PTPRD: variants seen among roughly 807,000 people sequenced by gnomAD.
PTPRD encodes the protein protein tyrosine phosphatase receptor type D.
A neutral mutation model predicts 214.5 loss-of-function variants in PTPRD; 34 were observed. The observed-to-expected ratio is 0.16, with a 90% confidence interval of 0.12 to 0.21. The LOEUF is 0.21. Ranked by LOEUF, PTPRD falls within the 10% of genes least tolerant of loss-of-function variation. PTPRD has a pLI of 1.00. For synonymous variants in PTPRD, 1,128 were observed against 845.7 expected, an observed-to-expected ratio of 1.33 and a Z score of -5.79; for missense variants, 2,545 against 2,398.7, an observed-to-expected ratio of 1.06 and a Z score of -1.27.
intron 10 of PTPRD, among the ~76,000 whole-genome samples, chr9:9,162,965 C>T (rs1484405077): frequency 1.3e-5 from 2 of 152,088 alleles, no homozygotes; most frequent in Non-Finnish European, 2.9e-5. Flanking sequence ...CTTTAGGACT[C>T]TCTATTTTCT....
In PTPRD at chr9:9,980,608, C is replaced by CAAAAAAAAA. The variant is rs750547585; in HGVS notation, c.-471-42007_-471-41999dup. 1.1e-3 allele frequency among the ~76,000 whole-genome samples: 12 copies of CAAAAAAAAA among 11,420 alleles called. 3 individuals are homozygous for CAAAAAAAAA. Among genetic ancestry groups the CAAAAAAAAA allele is most frequent in the East Asian group, 2.5e-3 (2 of 788 alleles). The allele number at this position is 11,420 out of a possible 152,430, so 7.5% of individuals were successfully genotyped here. A position where few individuals can be genotyped will look rare whatever the true frequency, so the allele number is the denominator to read the frequency against. On this transcript the variant is annotated intron_variant, in intron 4 of 45. Transcript: ENST00000381196. The stretch of plus-strand genomic sequence containing the variant: ...TGGGTAACAGAGTGAGACACCTTGT[C>CAAAAAAAAA]AAAAAAAAACAAAAAAAAAAAAAAA...
chr9:8,628,110 C>T (rs142465986), intron 14 of PTPRD, among the ~76,000 whole-genome samples: 2 of 151,986 alleles, frequency 1.3e-5, no homozygotes, highest in African/African-American at 2.4e-5. Context: ...AGTCAAGCAG[C>T]TGTGCTTTGT....
intron 11 of PTPRD, among the ~76,000 whole-genome samples, chr9:8,995,954 A>C (rs1333292166): frequency 6.6e-6 from 1 of 152,108 alleles, no homozygotes; most frequent in African/African-American, 2.4e-5. Context: ...AATGATCATA[A>C]GGAGTTACAG....
At chr9:8,738,538 G>A (rs772600622) in intron 11 of PTPRD, among the ~76,000 whole-genome samples, 1 of 151,646 alleles carries the variant, frequency 6.6e-6, no homozygotes, top group Non-Finnish European at 1.5e-5. Flanking sequence ...GAAGTTGTCG[G>A]AACTACTAGG....
At chr9:8,320,857 C>T (rs1587344597) in intron 44 of PTPRD, among the ~76,000 whole-genome samples, 1 of 152,056 alleles carries the variant, frequency 6.6e-6, no homozygotes, top group Admixed American at 6.6e-5. Context: ...ATGGGAAGTT[C>T]AGATAATGAG....
At chr9:9,827,128 A>G (rs943450968) in intron 5 of PTPRD, among the ~76,000 whole-genome samples, 1 of 152,096 alleles carries the variant, frequency 6.6e-6, no homozygotes, top group Admixed American at 6.6e-5. Flanking sequence ...GCTACCAATG[A>G]CTTTCTTCAC....
chr9:10,491,355 T>G (rs2132688020), intron 2 of PTPRD, among the ~76,000 whole-genome samples: 1 of 152,292 alleles, frequency 6.6e-6, no homozygotes, highest in African/African-American at 2.4e-5. Flanking sequence ...TCTAATAATT[T>G]TAGATTCTAA....
chr9:8,648,850 TAG>T (rs959982373), intron 12 of PTPRD, among the ~76,000 whole-genome samples: 9 of 152,334 alleles, frequency 5.9e-5, no homozygotes, highest in African/African-American at 1.9e-4. Flanking sequence ...CATCTTTTTG[TAG>T]AGTTAGTTTT....
intron 2 of PTPRD, among the ~76,000 whole-genome samples, chr9:10,415,540 T>G (rs1393951907): frequency 6.6e-6 from 1 of 151,928 alleles, no homozygotes; most frequent in Admixed American, 6.6e-5. Flanking sequence ...ACAGCTTTTT[T>G]GTTCCTTTGT....
intron 14 of PTPRD, among the ~76,000 whole-genome samples, chr9:8,625,783 A>G (rs977929299): frequency 2.0e-5 from 3 of 151,758 alleles, no homozygotes; most frequent in Admixed American, 6.6e-5. Context: ...AAGTTTTTAG[A>G]TATAAATTAA....
At chr9:10,301,707 G>C (rs995175655) in intron 3 of PTPRD, among the ~76,000 whole-genome samples, 1 of 151,980 alleles carries the variant, frequency 6.6e-6, no homozygotes, top group Admixed American at 6.6e-5. Context: ...AAAGCGAGAA[G>C]ACAAGATCAG....
At chr9:9,720,734 A>C (rs1447097126) in intron 7 of PTPRD, among the ~76,000 whole-genome samples, 1 of 152,198 alleles carries the variant, frequency 6.6e-6, no homozygotes, top group Non-Finnish European at 1.5e-5. Flanking sequence ...AAAGATATGG[A>C]ATCAACCTAA....
intron 2 of PTPRD, among the ~76,000 whole-genome samples, chr9:10,556,046 T>A (rs901703063): frequency 1.3e-5 from 2 of 152,142 alleles, no homozygotes; most frequent in African/African-American, 4.8e-5. Context: ...CAAAATAGTT[T>A]TTAAAACATA....
chr9:9,865,100 TA>T (rs1395506231), intron 5 of PTPRD, among the ~76,000 whole-genome samples: 3 of 152,186 alleles, frequency 2.0e-5, no homozygotes, highest in Non-Finnish European at 4.4e-5. Flanking sequence ...CTACTGTTTC[TA>T]AAAGATCATA....
chr9:9,373,979 G>A (rs766102064), intron 9 of PTPRD, among the ~76,000 whole-genome samples: 1 of 151,238 alleles, frequency 6.6e-6, no homozygotes, highest in Non-Finnish European at 1.5e-5. Flanking sequence ...TTTGGCTTAC[G>A]GTAGCTTTCA....
intron 10 of PTPRD, among the ~76,000 whole-genome samples, chr9:9,075,859 C>A (rs181022160): frequency 2.6e-5 from 4 of 151,916 alleles, no homozygotes. Context: ...TGAATAGTGC[C>A]GCAATAAACA....
chr9:8,539,379 T>C (rs1476497407), intron 14 of PTPRD, among the ~76,000 whole-genome samples: 1 of 152,000 alleles, frequency 6.6e-6, no homozygotes, highest in Non-Finnish European at 1.5e-5. Context: ...GCCAATGATA[T>C]TAATTTAGAA....
intron 11 of PTPRD, among the ~76,000 whole-genome samples, chr9:8,771,508 G>C (rs2095211459): frequency 6.6e-6 from 1 of 152,140 alleles, no homozygotes. Flanking sequence ...GTAGTATAGT[G>C]ACACACGGAC....
At chr9:9,206,087 G>A (rs1321318792) in intron 9 of PTPRD, among the ~76,000 whole-genome samples, 1 of 152,152 alleles carries the variant, frequency 6.6e-6, no homozygotes, top group African/African-American at 2.4e-5. Flanking sequence ...GAGTATTCTA[G>A]ATAGCTTTTA....
Sources: allele counts gnomAD v4.1 joint callset (sites outside exome capture counted in the v4.1 genomes callset), GRCh38; gene constraint gnomAD v4.1.1; transcripts MANE v1.5; gene names NCBI Gene and HGNC (gene_info 2026-07-23, HGNC 2026-07-21).